KCNQ5: variants seen among roughly 807,000 people sequenced by gnomAD.
KCNQ5 encodes the protein potassium voltage-gated channel subfamily KQT member 5.
KCNQ5 carries 30 observed loss-of-function variants against 98.2 expected under a neutral mutation model. The ratio of observed to expected loss-of-function variants is 0.31; its 90% CI spans 0.23 to 0.41. The LOEUF (loss-of-function observed/expected upper bound fraction) is 0.41, where lower values mean the gene tolerates loss of function less well. Among genes scored for constraint, KCNQ5 ranks in the 10% least tolerant of loss-of-function variants. The pLI is 1.00. For missense variants in KCNQ5, 835 were observed against 1,182.5 expected, an observed-to-expected ratio of 0.71 and a Z score of 4.31; for synonymous variants, 458 against 449.4, an observed-to-expected ratio of 1.02 and a Z score of -0.24.
At position 73,111,422 on chromosome 6, in the gene KCNQ5, G is replaced by A. The variant is rs1308367322; in HGVS notation, c.1125+19G>A. The A allele has an allele frequency of 6.6e-7, 1 of 1,524,992 alleles. No homozygotes were observed. The highest frequency in any genetic ancestry group is 1.4e-5 in the African/African-American group (1 of 71,968). The allele number at this position is 1,524,992 out of a possible 1,614,324, so 94.5% of individuals were successfully genotyped here. A position where few individuals can be genotyped will look rare whatever the true frequency, so the allele number is the denominator to read the frequency against. On this transcript the variant is annotated intron_variant, in intron 7 of 13. Transcript: ENST00000370398. The stretch of plus-strand genomic sequence containing the variant: ...CATTCAGGTAAATGTCAATGTAATA[G>A]GTAGATGGCAACATTTGTGTCCATA...
intron 1 of KCNQ5, among the ~76,000 whole-genome samples, chr6:72,624,306 A>G (rs1486124910): frequency 1.3e-5 from 2 of 152,252 alleles, no homozygotes; most frequent in Admixed American, 1.3e-4. Flanking sequence ...TAATTTAGCA[A>G]TTATAATGCT....
chr6:72,945,257 CT>C (rs904425020), intron 1 of KCNQ5, among the ~76,000 whole-genome samples: 1 of 151,698 alleles, frequency 6.6e-6, no homozygotes, highest in South Asian at 2.1e-4. Flanking sequence ...TTTTTCTTTT[CT>C]TTTTTTTATT....
intron 3 of KCNQ5, among the ~76,000 whole-genome samples, chr6:73,050,208 C>CAG (rs374575521): frequency 4.4e-5 from 6 of 136,836 alleles, no homozygotes; most frequent in Non-Finnish European, 7.7e-5. Flanking sequence ...CAGAGTAAGA[C>CAG]AGAGAGAGAG....
At chr6:72,659,042 G>C (rs1036720918) in intron 1 of KCNQ5, among the ~76,000 whole-genome samples, 1 of 152,150 alleles carries the variant, frequency 6.6e-6, no homozygotes, top group Non-Finnish European at 1.5e-5. Flanking sequence ...ATATTGTAAG[G>C]ATTTTTTAAA....
intron 1 of KCNQ5, among the ~76,000 whole-genome samples, chr6:72,817,680 G>T (rs1182733899): frequency 1.3e-5 from 2 of 152,050 alleles, no homozygotes; most frequent in Non-Finnish European, 1.5e-5. Flanking sequence ...GATCACTTGA[G>T]GCCAAGACTG....
intron 1 of KCNQ5, among the ~76,000 whole-genome samples, chr6:72,640,174 T>C (rs775703261): frequency 6.6e-6 from 1 of 152,062 alleles, no homozygotes; most frequent in Non-Finnish European, 1.5e-5. Context: ...GGCAACTTTG[T>C]AGCCAAAGTA....
chr6:72,953,556 C>T (rs1766905585), intron 1 of KCNQ5, among the ~76,000 whole-genome samples: 1 of 152,182 alleles, frequency 6.6e-6, no homozygotes. Context: ...TCTCCCTCCC[C>T]ACAGAATAAG....
At chr6:72,651,242 C>G (rs980521884) in intron 1 of KCNQ5, among the ~76,000 whole-genome samples, 1 of 151,940 alleles carries the variant, frequency 6.6e-6, no homozygotes, top group Non-Finnish European at 1.5e-5. Context: ...TCCCTAGTGC[C>G]TAACAGGTCC....
intron 2 of KCNQ5, among the ~76,000 whole-genome samples, chr6:73,029,440 G>T (rs1038948926): frequency 2.6e-5 from 4 of 151,406 alleles, no homozygotes; most frequent in Admixed American, 2.6e-4. Context: ...TAAAAAAAAT[G>T]CATTCTAAAA....
chr6:73,189,915 C>A (rs1765521557), intron 11 of KCNQ5, among the ~76,000 whole-genome samples: 1 of 151,546 alleles, frequency 6.6e-6, no homozygotes, highest in Non-Finnish European at 1.5e-5. Context: ...GCCTGTAGTC[C>A]CAGCACTTAG....
chr6:73,055,791 A>AG (rs1429112340), intron 3 of KCNQ5: 1 of 871,806 alleles, frequency 1.1e-6, no homozygotes, highest in Non-Finnish European at 1.9e-6. Context: ...CGCAGTTCCT[A>AG]GGGGATGAAG....
chr6:72,683,358 A>G (rs1439873885), intron 1 of KCNQ5, among the ~76,000 whole-genome samples: 3 of 139,450 alleles, frequency 2.2e-5, no homozygotes, highest in African/African-American at 5.6e-5. Flanking sequence ...TGTTAGCCAC[A>G]TATACTTTTT....
intron 1 of KCNQ5, among the ~76,000 whole-genome samples, chr6:72,883,837 C>CTA (rs1289103801): frequency 1.3e-5 from 2 of 152,072 alleles, no homozygotes; most frequent in Non-Finnish European, 2.9e-5. Context: ...AAGTAGGAAC[C>CTA]TAAAATAAGG....
chr6:73,152,129 G>T (rs1402885592), intron 10 of KCNQ5, among the ~76,000 whole-genome samples: 2 of 151,972 alleles, frequency 1.3e-5, no homozygotes, highest in African/African-American at 2.4e-5. Context: ...TTCCTGAGAA[G>T]AGTGTCTGGA....
chr6:72,746,820 G>A (rs148534507), intron 1 of KCNQ5, among the ~76,000 whole-genome samples: 1 of 152,172 alleles, frequency 6.6e-6, no homozygotes, highest in Non-Finnish European at 1.5e-5. Context: ...ATCCTTTTAT[G>A]TTATGCTACA....
At chr6:73,190,154 G>C (rs1765536325) in intron 11 of KCNQ5, among the ~76,000 whole-genome samples, 1 of 151,766 alleles carries the variant, frequency 6.6e-6, no homozygotes, top group South Asian at 2.1e-4. Flanking sequence ...AAACACATTT[G>C]TATCTCAAAA....
chr6:72,708,038 G>C (rs1219233529), intron 1 of KCNQ5, among the ~76,000 whole-genome samples: 2 of 152,110 alleles, frequency 1.3e-5, no homozygotes, highest in Admixed American at 6.6e-5. Context: ...CAGCTATCCA[G>C]GGCAAAACAG....
At chr6:72,727,273 C>G (rs1770333598) in intron 1 of KCNQ5, among the ~76,000 whole-genome samples, 1 of 152,324 alleles carries the variant, frequency 6.6e-6, no homozygotes, top group Non-Finnish European at 1.5e-5. Flanking sequence ...GCTAGAGATT[C>G]CTACCTTACA....
chr6:72,767,782 G>A (rs959113746), intron 1 of KCNQ5, among the ~76,000 whole-genome samples: 18 of 152,000 alleles, frequency 1.2e-4, no homozygotes, highest in African/African-American at 3.6e-4. Flanking sequence ...AAAGCACAAT[G>A]AGATACCACT....
Sources: gnomAD v4.1 joint callset for allele counts (sites outside exome capture counted in the v4.1 genomes callset) on GRCh38, gnomAD v4.1.1 for gene constraint, MANE v1.5 for transcripts, NCBI Gene and HGNC (gene_info 2026-07-23, HGNC 2026-07-21) for gene names.